TMEM117: variants seen among roughly 807,000 people sequenced by gnomAD.
TMEM117 encodes the protein transmembrane protein 117.
TMEM117 carries 27 observed loss-of-function variants against 52.4 expected under a neutral mutation model. The ratio of observed to expected loss-of-function variants is 0.51; its 90% CI spans 0.38 to 0.71. The LOEUF (loss-of-function observed/expected upper bound fraction) is 0.71, where lower values mean the gene tolerates loss of function less well. TMEM117 is among the 30% of genes least tolerant of loss of function. The pLI is 0.00. For missense variants in TMEM117, 556 were observed against 630.5 expected (o/e 0.88, Z 1.26); for synonymous variants, 215 against 206.3 (o/e 1.04, Z -0.36).
the TMEM117 span, among the ~76,000 whole-genome samples, chr12:43,812,250 A>G: frequency 5.4e-3 from 827 of 152,330 alleles, 5 homozygotes; most frequent in African/African-American, 0.018. Flanking sequence ...TCTCTCTTAA[A>G]TGAGTTCTCA....
intron 2 of TMEM117, among the ~76,000 whole-genome samples, chr12:43,872,336 C>T (rs1003635179): frequency 6.1e-5 from 9 of 147,242 alleles, no homozygotes; most frequent in Non-Finnish European, 1.0e-4. Flanking sequence ...ATTATGAGCA[C>T]GAATACTATT....
chr12:44,268,992 T>A (rs1950414525), intron 5 of TMEM117, among the ~76,000 whole-genome samples: 1 of 152,184 alleles, frequency 6.6e-6, no homozygotes. Flanking sequence ...AATAATATAG[T>A]CGATTATCCA....
intron 2 of TMEM117, among the ~76,000 whole-genome samples, chr12:43,927,771 C>T (rs1179249367): frequency 1.3e-5 from 2 of 151,948 alleles, no homozygotes; most frequent in Non-Finnish European, 2.9e-5. Flanking sequence ...AATTTTACAG[C>T]CTATTACTTC....
intron 2 of TMEM117, among the ~76,000 whole-genome samples, chr12:43,938,825 C>T (rs1244723883): frequency 6.6e-6 from 1 of 151,772 alleles, no homozygotes; most frequent in African/African-American, 2.4e-5. Context: ...ATGGTGAAAC[C>T]CCATTTCTAC....
At chr12:43,908,713 C>T (rs575358300) in intron 2 of TMEM117, among the ~76,000 whole-genome samples, 54 of 152,130 alleles carry the variant, frequency 3.5e-4, no homozygotes, top group South Asian at 6.2e-4. Context: ...TCTGATAAAA[C>T]AGGCTTTAAG....
chr12:43,933,335 G>T (rs936483580), intron 2 of TMEM117, among the ~76,000 whole-genome samples: 1 of 151,752 alleles, frequency 6.6e-6, no homozygotes, highest in Non-Finnish European at 1.5e-5. Flanking sequence ...CGAGTAGCTG[G>T]GACTACAGGC....
At chr12:43,906,557 T>C (rs1275742294) in intron 2 of TMEM117, among the ~76,000 whole-genome samples, 6 of 151,648 alleles carry the variant, frequency 4.0e-5, no homozygotes, top group Admixed American at 1.3e-4. Context: ...AGAAGACCAG[T>C]GATTTCTGCA....
At chr12:44,031,972 C>T (rs572451025) in intron 3 of TMEM117, among the ~76,000 whole-genome samples, 56 of 152,182 alleles carry the variant, frequency 3.7e-4, no homozygotes, top group Non-Finnish European at 6.8e-4. Flanking sequence ...TCCACAGTTC[C>T]TGTACAGGGT....
chr12:44,331,326 T>C (rs1236929133), intron 6 of TMEM117, among the ~76,000 whole-genome samples: 1 of 151,966 alleles, frequency 6.6e-6, no homozygotes, highest in Non-Finnish European at 1.5e-5. Flanking sequence ...GCAACCTGGG[T>C]GTCAAATCAG....
At chr12:43,835,816 C>T (rs1456040667), upstream of TMEM117, among the ~76,000 whole-genome samples, 2 of 151,862 alleles carry the variant, frequency 1.3e-5, no homozygotes, top group Non-Finnish European at 2.9e-5. Context: ...ACGCGGCCCG[C>T]GGGCTGGAGT....
intron 1 of TMEM117, among the ~76,000 whole-genome samples, chr12:43,837,496 G>T (rs1234102608): frequency 6.6e-6 from 1 of 152,004 alleles, no homozygotes; most frequent in East Asian, 1.9e-4. Flanking sequence ...ACAGGCGCGC[G>T]CCACCATGCC....
chr12:44,226,964 C>T (rs1055857027), intron 5 of TMEM117, among the ~76,000 whole-genome samples: 1 of 152,026 alleles, frequency 6.6e-6, no homozygotes, highest in African/African-American at 2.4e-5. Context: ...CCCAATTAAT[C>T]CCAATCGCCA....
At position 43,916,694 on chromosome 12, in the gene TMEM117, G is replaced by A. The variant is rs75608131; in HGVS notation, c.278-27516G>A. Among the ~76,000 whole-genome samples, 335 of 152,302 alleles carry A rather than the reference G, an allele frequency of 2.2e-3. 2 individuals carry two copies. The East Asian group carries it at 0.034, about 15-fold the overall frequency. ...TGTTACATTACTGTTGCTGGAGTAT[G>A]AAACTGATGAGTCCTGATGGTGTTC... On this transcript the variant is annotated intron_variant, in intron 2 of 7. Coordinates refer to ENST00000266534, the MANE Select transcript of TMEM117 (RefSeq NM_032256.3).
At chr12:44,363,508 A>G (rs890753408) in intron 6 of TMEM117, among the ~76,000 whole-genome samples, 26 of 152,310 alleles carry the variant, frequency 1.7e-4, no homozygotes, top group African/African-American at 6.3e-4. Flanking sequence ...AATTGATCAT[A>G]ATATATAATT....
chr12:44,149,746 G>T (rs919797706), intron 4 of TMEM117, among the ~76,000 whole-genome samples: 4 of 152,182 alleles, frequency 2.6e-5, no homozygotes, highest in Non-Finnish European at 4.4e-5. Flanking sequence ...AATTGAGTTT[G>T]ACAATGCATA....
At chr12:43,958,041 T>G (rs534006470) in intron 3 of TMEM117, among the ~76,000 whole-genome samples, 83 of 152,342 alleles carry the variant, frequency 5.4e-4, no homozygotes, top group Non-Finnish European at 9.6e-4. Flanking sequence ...TGTTGAAATA[T>G]TCTCCTGCTG....
intron 5 of TMEM117, among the ~76,000 whole-genome samples, chr12:44,262,877 G>A (rs919416797): frequency 5.3e-5 from 8 of 152,238 alleles, no homozygotes; most frequent in African/African-American, 1.9e-4. Context: ...GTGAGCCACT[G>A]CGCCCCGCCG....
At chr12:44,237,085 C>T (rs538558580) in intron 5 of TMEM117, among the ~76,000 whole-genome samples, 1 of 152,024 alleles carries the variant, frequency 6.6e-6, no homozygotes, top group African/African-American at 2.4e-5. Flanking sequence ...ACCTTGTTAG[C>T]TCTTTGATGC....
At chr12:43,905,213 G>A (rs985682252) in intron 2 of TMEM117, among the ~76,000 whole-genome samples, 4 of 152,130 alleles carry the variant, frequency 2.6e-5, no homozygotes, top group African/African-American at 9.7e-5. Context: ...AAGATTTCTA[G>A]TTCCCCTTAA....
Sources: gnomAD v4.1 joint callset for allele counts (sites outside exome capture counted in the v4.1 genomes callset) on GRCh38, gnomAD v4.1.1 for gene constraint, MANE v1.5 for transcripts, NCBI Gene and HGNC (gene_info 2026-07-23, HGNC 2026-07-21) for gene names.